TCP1: variants seen among roughly 807,000 people sequenced by gnomAD.
TCP1 encodes t-complex 1.
In TCP1, 6 loss-of-function variants were observed where a neutral mutation model predicts 54.7. The observed-to-expected ratio is 0.11, with a 90% CI of 0.06 to 0.22. The LOEUF (loss-of-function observed/expected upper bound fraction) is 0.22, where lower values mean the gene tolerates loss of function less well. Ranked by LOEUF, TCP1 falls within the 10% of genes least tolerant of loss-of-function variation. The pLI, the probability that TCP1 is intolerant of heterozygous loss-of-function variation, is 1.00. For synonymous variants in TCP1, 225 were observed against 229.7 expected (o/e 0.98, Z 0.19); for missense variants, 511 against 678.2 (o/e 0.75, Z 2.74).
rs756516873 is a variant in TCP1 at position 159,780,917 on chromosome 6, A to G, written c.973+18T>C. 4.4e-6 allele frequency: 7 copies of G among 1,573,482 alleles called. No individual in the cohort carries two copies. The Admixed American group carries it at 1.4e-4, about 32-fold the overall frequency. ...GGATAATAAAAGTATTTTATGTGAC[A>G]GCCAGCACAAGACATACCTCCAGAA... On this transcript the variant is annotated intron_variant, in intron 8 of 11. Transcript: ENST00000321394.
At chr6:159,787,938 G>A (rs1780737254) in intron 2 of TCP1, 67 bp from the exon 3 acceptor site, 2 of 1,607,238 alleles carry the variant, frequency 1.2e-6, no homozygotes, top group Non-Finnish European at 1.7e-6. Flanking sequence ...TATAATACAC[G>A]TTCACCTTTA....
At chr6:159,787,067 A>T (rs1437228322) in intron 3 of TCP1, among the ~76,000 whole-genome samples, 1 of 95,968 alleles carries the variant, frequency 1.0e-5, no homozygotes, top group East Asian at 2.6e-4. Flanking sequence ...ACATAGCGAG[A>T]CCCTGTCTCT....
rs1780799785 is a variant in TCP1 at position 159,789,521 on chromosome 6, T to C, written c.-53A>G. 5 of 1,605,908 alleles carry C rather than the reference T, an allele frequency of 3.1e-6. No homozygotes were observed. The highest frequency in any genetic ancestry group is 3.4e-6 in the Non-Finnish European group (4 of 1,174,446). On this transcript the variant is annotated 5_prime_UTR_variant, in exon 1 of 12. Coordinates refer to ENST00000321394, the MANE Select transcript of TCP1 (RefSeq NM_030752.3). ...CTGCTTACACCGCGGGCAACCAGTA[T>C]CGCGGCCCCTCGGCCGACCGGCGAC...
intron 5 of TCP1, 199 bp from the exon 6 acceptor site, chr6:159,785,046 T>C (rs1202521341): frequency 3.1e-6 from 2 of 638,972 alleles, no homozygotes; most frequent in Admixed American, 6.0e-5. Context: ...TATTACCTTT[T>C]CACCCTAAAA....
At position 159,789,424 on chromosome 6, in the gene TCP1, T is replaced by A. The variant is rs1416046934; in HGVS notation, c.45A>T (p.Glu15Asp). 2 of 1,613,510 alleles carry A rather than the reference T, an allele frequency of 1.2e-6. No homozygotes were observed. The highest frequency in any genetic ancestry group is 2.7e-5 in the African/African-American group (2 of 74,808). The part of the protein sequence containing the change: ...LSVFGDRSTG[E>D]TIRSQNVMAA... The stretch of plus-strand genomic sequence containing the variant: ...CCTTACCGTTTTGGGAGCGGATCGT[T>A]TCCCCAGTGCTGCGGTCACCGAACA... Residue 15 changes from glutamate to aspartate, a missense_variant, in exon 1 of 12, where the codon GAA becomes GAT. Around this residue, in one of 5 missense-constraint regions of TCP1, gnomAD observed 35 missense variants for 32.7 expected, o/e 1.07. Transcript: ENST00000321394.
At chr6:159,789,321 G>A (rs897771028) in intron 1 of TCP1, 84 bp downstream of exon 1, 37 of 1,535,620 alleles carry the variant, frequency 2.4e-5, no homozygotes, top group Admixed American at 5.4e-5. Flanking sequence ...GTAAAGGAGA[G>A]AAACGAGGGC....
intron 4 of TCP1, 172 bp downstream of exon 4, chr6:159,785,728 G>T: frequency 1.3e-6 from 1 of 785,000 alleles, no homozygotes; most frequent in Non-Finnish European, 2.2e-6. Flanking sequence ...GTAGTCAAAT[G>T]AGAAAAAAGA....
chr6:159,778,818 C>T lies in TCP1; in HGVS notation c.*227G>A. 2 of 1,614,130 alleles carry T rather than the reference C, an allele frequency of 1.2e-6. No homozygotes were observed. Among genetic ancestry groups the T allele is most frequent in the Non-Finnish European group, 1.7e-6 (2 of 1,180,022 alleles). ...TGGGATGGGAATAGCAATGTGTGTT[C>T]AGAGAGAATGAATTGCTTAAACTTT... On this transcript the variant is annotated 3_prime_UTR_variant, in exon 12 of 12. Coordinates refer to ENST00000321394, the MANE Select transcript of TCP1 (RefSeq NM_030752.3).
At position 159,778,799 on chromosome 6, in the gene TCP1, G is replaced by A. The variant is rs1261797534; in HGVS notation, c.*246C>T. 2 of 1,614,062 alleles carry A rather than the reference G, an allele frequency of 1.2e-6. No individual in the cohort carries two copies. The highest frequency in any genetic ancestry group is 2.7e-5 in the African/African-American group (2 of 74,928). ...CAGCCCTGTGCATTGGGGGTGGGATGGGAATAGCAATGTGTGTTCAGAGAG... is the reference window on the plus strand; with the variant it reads ...CAGCCCTGTGCATTGGGGGTGGGATAGGAATAGCAATGTGTGTTCAGAGAG... On this transcript the variant is annotated 3_prime_UTR_variant, in exon 12 of 12. Transcript: ENST00000321394.
intron 1 of TCP1, chr6:159,788,755 G>C (rs1165894363): frequency 6.5e-6 from 1 of 152,926 alleles, no homozygotes; most frequent in African/African-American, 2.4e-5. Context: ...ATTTGTTTAC[G>C]AAAAAAATTA....
rs369964713 is a variant in TCP1, at chr6:159,780,075, A to G, written c.1110T>C (p.Arg370=). 159 of 1,614,180 alleles carry G rather than the reference A, an allele frequency of 9.9e-5. No individual in the cohort carries two copies. The highest frequency in any genetic ancestry group is 1.3e-4 in the Non-Finnish European group (148 of 1,180,030). ...CACGTAAGATAATCGATGCAGACGTACGAGCCTTAGTACTGTTCAAAACAA... is the reference window on the plus strand; with the variant it reads ...CACGTAAGATAATCGATGCAGACGTGCGAGCCTTAGTACTGTTCAAAACAA... ...ELILIKNTKA[R]TSASIILRGA... is the part of the protein sequence containing the mutation. The change falls in exon 10 of 12, where the codon CGT becomes CGC. Residue 370 remains arginine (R), a synonymous_variant. Transcript: ENST00000321394.
At position 159,778,672 on chromosome 6, in the gene TCP1, G is replaced by T; in HGVS notation, c.*373C>A. 1 of 1,614,108 alleles carries T rather than the reference G, an allele frequency of 6.2e-7. No individual in the cohort carries two copies. The highest frequency in any genetic ancestry group is 8.5e-7 in the Non-Finnish European group (1 of 1,179,994). On this transcript the variant is annotated 3_prime_UTR_variant, in exon 12 of 12. Coordinates refer to ENST00000321394, the MANE Select transcript of TCP1 (RefSeq NM_030752.3). ...CTCCCCCGTTAGGTCAATATTGAAG[G>T]AGGGGCTATAGCCTTGGGCCACCCT...
At chr6:159,788,893 G>A (rs1045745221) in intron 1 of TCP1, 2 of 155,998 alleles carry the variant, frequency 1.3e-5, no homozygotes. Context: ...TAACTCTACT[G>A]TAAGAAGCTG....
chr6:159,781,691 A>C (rs1780580186), intron 7 of TCP1, among the ~76,000 whole-genome samples: 1 of 152,152 alleles, frequency 6.6e-6, no homozygotes. Context: ...AGTATCACTT[A>C]AACCCGGAAG....
At chr6:159,788,192 C>T (rs1191518577) in intron 1 of TCP1, 49 bp from the exon 2 acceptor site, 2 of 1,551,432 alleles carry the variant, frequency 1.3e-6, no homozygotes, top group South Asian at 1.1e-5. Flanking sequence ...TAAGCCACAA[C>T]TCTGAAAGAC....
chr6:159,784,090 G>GT, intron 6 of TCP1, 23 bp from the exon 7 acceptor site: 1 of 1,608,538 alleles, frequency 6.2e-7, no homozygotes, highest in African/African-American at 1.3e-5. Context: ...ATAAGATTAA[G>GT]TTAATACGTC....
chr6:159,778,576 C>T lies in TCP1; in HGVS notation c.*469G>A, dbSNP rs924133892. The T allele has an allele frequency of 1.4e-6, 2 of 1,451,606 alleles. No homozygotes were observed. Among genetic ancestry groups the T allele is most frequent in the South Asian group, 1.3e-5 (1 of 78,792 alleles). 89.9% of individuals were successfully genotyped at this position (1,451,606 alleles called of 1,614,324 possible). ...AGTTTGAAAGGGTAGCATGCTGATA[C>T]ATTAAGAGGAAAAAGACAAGTTTAA... is the stretch of plus-strand genomic sequence containing the variant. On this transcript the variant is annotated 3_prime_UTR_variant, in exon 12 of 12. Transcript: ENST00000321394.
Position 159,783,528 on chromosome 6 carries a change from G to C in TCP1, c.797+413C>G, listed in dbSNP as rs546586744. 3.3e-5 allele frequency among the ~76,000 whole-genome samples: 5 copies of C among 152,044 alleles called. No individual in the cohort carries two copies. The East Asian group carries it at 7.7e-4, about 24-fold the overall frequency. Reference sequence around the variant, plus strand: ...CAAAGTGTTGCGATTACAGGCATGAGCCACTGTGCCCAGCCTAAACAATTT... The same window carrying C: ...CAAAGTGTTGCGATTACAGGCATGACCCACTGTGCCCAGCCTAAACAATTT... On this transcript the variant is annotated intron_variant, in intron 7 of 11. Transcript: ENST00000321394.
rs1780487139 is a variant in TCP1, at chr6:159,778,582, G to A, written c.*463C>T. The A allele has an allele frequency of 5.3e-6, 8 of 1,495,936 alleles. No homozygotes were observed. The highest frequency in any genetic ancestry group is 7.3e-6 in the Non-Finnish European group (8 of 1,092,540). The allele number at this position is 1,495,936 out of a possible 1,614,324, so 92.7% of individuals were successfully genotyped here. On this transcript the variant is annotated 3_prime_UTR_variant, in exon 12 of 12. Transcript: ENST00000321394. ...AAAGGGTAGCATGCTGATACATTAA[G>A]AGGAAAAAGACAAGTTTAAGATTTT...
Sources: allele counts gnomAD v4.1 joint callset (sites outside exome capture counted in the v4.1 genomes callset), GRCh38; gene constraint gnomAD v4.1.1; regional missense constraint gnomAD v4.1.1; transcripts MANE v1.5; gene names NCBI Gene and HGNC (gene_info 2026-07-23, HGNC 2026-07-21).